Variants in RBFOX1 observed in about 807,000 individuals in gnomAD.
The protein encoded by RBFOX1 is RNA binding protein fox-1 homolog 1.
In RBFOX1, 8 loss-of-function variants were observed where a neutral mutation model predicts 57.7. That is an observed-to-expected ratio of 0.14 (90% CI 0.08 to 0.25). The LOEUF (loss-of-function observed/expected upper bound fraction) is 0.25, where lower values mean the gene tolerates loss of function less well. Among genes scored for constraint, RBFOX1 ranks in the 10% least tolerant of loss-of-function variants. The pLI, the probability that RBFOX1 is intolerant of heterozygous loss-of-function variation, is 1.00. For missense variants in RBFOX1, 611 were observed against 548.5 expected (o/e 1.11, Z -1.14); for synonymous variants, 326 against 222.4 (o/e 1.47, Z -4.15).
intron 3 of RBFOX1, among the ~76,000 whole-genome samples, chr16:5,799,413 C>T (rs144367125): frequency 5.3e-5 from 8 of 152,108 alleles, no homozygotes; most frequent in African/African-American, 1.4e-4. Flanking sequence ...TGAAAAAAGT[C>T]GAACAATATA....
At chr16:5,314,885 T>C (rs1740096894) in intron 1 of RBFOX1, among the ~76,000 whole-genome samples, 1 of 150,296 alleles carries the variant, frequency 6.7e-6, no homozygotes, top group South Asian at 2.1e-4. Context: ...TAGTGATATA[T>C]ATGTCTTTAT....
chr16:7,685,060 C>A (rs1357517705), intron 14 of RBFOX1, among the ~76,000 whole-genome samples: 2 of 152,010 alleles, frequency 1.3e-5, no homozygotes, highest in East Asian at 3.9e-4. Context: ...TTGGGCTCAC[C>A]AGGAGCCTGT....
chr16:6,952,669 G>C (rs1312546745), intron 3 of RBFOX1, among the ~76,000 whole-genome samples: 2 of 151,946 alleles, frequency 1.3e-5, no homozygotes, highest in East Asian at 1.9e-4. Flanking sequence ...AAAAGAAAAA[G>C]AAATGAAAAA....
chr16:6,424,046 T>G (rs1166590964), intron 2 of RBFOX1, among the ~76,000 whole-genome samples: 1 of 152,156 alleles, frequency 6.6e-6, no homozygotes, highest in Non-Finnish European at 1.5e-5. Context: ...GAGACCAGCC[T>G]GGCCAACATG....
intron 4 of RBFOX1, among the ~76,000 whole-genome samples, chr16:5,936,730 G>A (rs1052691384): frequency 6.6e-6 from 1 of 152,144 alleles, no homozygotes; most frequent in Non-Finnish European, 1.5e-5. Flanking sequence ...TGTATAAATG[G>A]GGATTTTGTT....
chr16:6,326,546 T>A (rs2082391542), intron 2 of RBFOX1, among the ~76,000 whole-genome samples: 1 of 152,088 alleles, frequency 6.6e-6, no homozygotes, highest in Admixed American at 6.6e-5. Context: ...TCTTCATCCT[T>A]CTCAGAGGGC....
intron 1 of RBFOX1, among the ~76,000 whole-genome samples, chr16:5,277,952 G>A (rs2151140224): frequency 6.6e-6 from 1 of 152,300 alleles, no homozygotes; most frequent in East Asian, 1.9e-4. Flanking sequence ...TAGTGCTGCA[G>A]TAAATATGGG....
At chr16:7,318,316 C>T (rs1383900842) in intron 4 of RBFOX1, among the ~76,000 whole-genome samples, 1 of 148,738 alleles carries the variant, frequency 6.7e-6, no homozygotes, top group Non-Finnish European at 1.5e-5. Flanking sequence ...GTGCTGGTGG[C>T]TCTGGTGGTG....
At chr16:5,432,559 G>GTTTTTTTTTTTTTTTTTTTTTT (rs35344614) in intron 1 of RBFOX1, among the ~76,000 whole-genome samples, 10 of 94,212 alleles carry the variant, frequency 1.1e-4, no homozygotes, top group Non-Finnish European at 1.4e-4. Context: ...TTGTTTGTTT[G>GTTTTTTTTTTTTTTTTTTTTTT]TTTTTTTTTT....
intron 1 of RBFOX1, among the ~76,000 whole-genome samples, chr16:5,430,207 A>G (rs985731768): frequency 2.6e-5 from 4 of 152,174 alleles, no homozygotes; most frequent in African/African-American, 9.7e-5. Flanking sequence ...CAAGCAGATA[A>G]TGACACAGCT....
chr16:7,186,244 A>G (rs1267674567), intron 4 of RBFOX1, among the ~76,000 whole-genome samples: 1 of 125,598 alleles, frequency 8.0e-6, no homozygotes, highest in African/African-American at 3.0e-5. Context: ...ATATTTATAT[A>G]AACATAAACA....
chr16:6,560,153 A>G (rs1247543493), intron 2 of RBFOX1, among the ~76,000 whole-genome samples: 1 of 145,782 alleles, frequency 6.9e-6, no homozygotes. Context: ...ATGCATGGTA[A>G]TCAATTCGTT....
intron 4 of RBFOX1, among the ~76,000 whole-genome samples, chr16:7,306,156 TG>T (rs1568127668): frequency 6.6e-6 from 1 of 152,208 alleles, no homozygotes; most frequent in Non-Finnish European, 1.5e-5. Context: ...TTCCTTTGTG[TG>T]GTGGTGTTTG....
At chr16:6,915,476 T>C (rs1188907871) in intron 3 of RBFOX1, among the ~76,000 whole-genome samples, 1 of 152,106 alleles carries the variant, frequency 6.6e-6, no homozygotes, top group Non-Finnish European at 1.5e-5. Flanking sequence ...CTTAAACAAA[T>C]GACTTCCTAC....
chr16:7,234,634 G>C (rs937960959), intron 4 of RBFOX1, among the ~76,000 whole-genome samples: 104 of 149,156 alleles, frequency 7.0e-4, no homozygotes, highest in African/African-American at 1.9e-3. Context: ...ATGTGCTTGT[G>C]TATATGTGTG....
intron 1 of RBFOX1, among the ~76,000 whole-genome samples, chr16:6,166,726 G>A (rs2096920286): frequency 6.6e-6 from 1 of 152,032 alleles, no homozygotes; most frequent in East Asian, 1.9e-4. Flanking sequence ...GTGGGAGTGG[G>A]TTACTCTGAA....
intron 5 of RBFOX1, among the ~76,000 whole-genome samples, chr16:7,577,064 T>C (rs377510215): frequency 1.3e-5 from 2 of 152,334 alleles, no homozygotes; most frequent in African/African-American, 4.8e-5. Flanking sequence ...GTTTCAGTGT[T>C]ACAGTGTTGC....
At chr16:6,965,598 A>C (rs1598572963) in intron 3 of RBFOX1, among the ~76,000 whole-genome samples, 1 of 152,196 alleles carries the variant, frequency 6.6e-6, no homozygotes, top group East Asian at 1.9e-4. Flanking sequence ...TGGCTTCCCA[A>C]AGTGCTGAGA....
At chr16:5,726,859 T>C (rs2052171680) in intron 3 of RBFOX1, among the ~76,000 whole-genome samples, 1 of 152,200 alleles carries the variant, frequency 6.6e-6, no homozygotes, top group African/African-American at 2.4e-5. Context: ...ACAATCGTAT[T>C]GTTTTTAGTG....
Sources: allele counts gnomAD v4.1 joint callset (sites outside exome capture counted in the v4.1 genomes callset), GRCh38; gene constraint gnomAD v4.1.1; transcripts MANE v1.5; gene names NCBI Gene and HGNC (gene_info 2026-07-23, HGNC 2026-07-21).